Variants in NUP153 observed in about 807,000 individuals in gnomAD.
NUP153 encodes the protein nuclear pore complex protein Nup153.
NUP153 carries 27 observed loss-of-function variants against 134.6 expected under a neutral mutation model. That is an observed-to-expected ratio of 0.20 (90% CI 0.15 to 0.28). NUP153 has a LOEUF of 0.28. Among genes scored for constraint, NUP153 ranks in the 10% least tolerant of loss-of-function variants. The pLI is 1.00. For missense variants in NUP153, 1,821 were observed against 1,731.3 expected (o/e 1.05, Z -0.92); for synonymous variants, 640 against 623.5 (o/e 1.03, Z -0.40).
intron 5 of NUP153, among the ~76,000 whole-genome samples, chr6:17,673,961 G>A (rs1021984235): frequency 1.3e-5 from 2 of 152,130 alleles, no homozygotes; most frequent in African/African-American, 2.4e-5. Context: ...TTTCACTGGT[G>A]AATAATAAAC....
At chr6:17,642,848 A>C (rs1279330430) in intron 14 of NUP153, among the ~76,000 whole-genome samples, 1 of 152,254 alleles carries the variant, frequency 6.6e-6, no homozygotes, top group East Asian at 1.9e-4. Context: ...AATATTATTC[A>C]GCCATAAAAG....
At chr6:17,683,145 A>G (rs765811228) in intron 2 of NUP153, among the ~76,000 whole-genome samples, 6 of 151,954 alleles carry the variant, frequency 3.9e-5, no homozygotes, top group Non-Finnish European at 8.8e-5. Flanking sequence ...ACTTTCTCTA[A>G]ACTCCTATTC....
intron 16 of NUP153, 45 bp downstream of exon 16, chr6:17,637,108 A>C (rs1469198635): frequency 6.5e-7 from 1 of 1,540,450 alleles, no homozygotes; most frequent in East Asian, 2.3e-5. Flanking sequence ...TAAACTGTTC[A>C]ACAGAAGTAA....
chr6:17,660,947 A>G (rs985851806), intron 11 of NUP153, among the ~76,000 whole-genome samples: 1 of 152,280 alleles, frequency 6.6e-6, no homozygotes, highest in South Asian at 2.1e-4. Context: ...CTGGATAAAT[A>G]TATAAGCAGT....
chr6:17,696,089 T>C (rs1187226818), intron 1 of NUP153, among the ~76,000 whole-genome samples: 2 of 151,518 alleles, frequency 1.3e-5, no homozygotes, highest in South Asian at 2.1e-4. Context: ...GATCGTGCCA[T>C]TGCACTCCAG....
rs1255483006 is a variant in NUP153 at position 17,669,033 on chromosome 6, A to AG, written c.1015-6_1015-5insC. On this transcript the variant is annotated splice_polypyrimidine_tract_variant and splice_region_variant and intron_variant, in intron 7 of 21. Coordinates refer to ENST00000262077, the MANE Select transcript of NUP153 (RefSeq NM_005124.4). ...TATCCCACTCCTATCAAGAGGCTGA[A>AG]AAAAAAAAAAAACACTATTAGAATA... 4.7e-6 allele frequency: 6 copies of AG among 1,280,290 alleles called. No individual in the cohort carries two copies. The highest frequency in any genetic ancestry group is 6.1e-6 in the Non-Finnish European group (6 of 979,820). 79.3% of individuals were successfully genotyped at this position (1,280,290 alleles called of 1,614,324 possible).
At chr6:17,631,418 T>C (rs1477377178) in intron 17 of NUP153, among the ~76,000 whole-genome samples, 1 of 152,254 alleles carries the variant, frequency 6.6e-6, no homozygotes, top group Non-Finnish European at 1.5e-5. Context: ...ATATGTTGCC[T>C]GGCAGTGAAG....
chr6:17,631,884 A>G (rs375679255), intron 17 of NUP153, among the ~76,000 whole-genome samples: 6 of 152,100 alleles, frequency 3.9e-5, no homozygotes, highest in East Asian at 3.9e-4. Flanking sequence ...GGAGAATGGC[A>G]TGAACCCAGG....
At chr6:17,669,687 G>T (rs1767778363) in intron 5 of NUP153, 141 bp from the exon 6 acceptor site, 2 of 633,842 alleles carry the variant, frequency 3.2e-6, no homozygotes, top group Non-Finnish European at 5.6e-6. Flanking sequence ...TCTTTGGGTG[G>T]TATCATTAAA....
At chr6:17,690,213 G>A (rs1370478506) in intron 1 of NUP153, among the ~76,000 whole-genome samples, 1 of 150,224 alleles carries the variant, frequency 6.7e-6, no homozygotes. Context: ...TTAGCCAGGC[G>A]TGGTGGCGGG....
chr6:17,645,572 G>A (rs1766121721), intron 14 of NUP153, among the ~76,000 whole-genome samples: 1 of 151,668 alleles, frequency 6.6e-6, no homozygotes, highest in South Asian at 2.1e-4. Context: ...CAAACTGCTG[G>A]GTTTACAGGA....
At chr6:17,649,097 G>T (rs1766368765) in intron 12 of NUP153, 66 bp downstream of exon 12, 3 of 1,356,308 alleles carry the variant, frequency 2.2e-6, no homozygotes, top group African/African-American at 1.5e-5. Flanking sequence ...TATAATATAG[G>T]GTTTTTTTTA....
chr6:17,666,794 C>T (rs1158336153), intron 8 of NUP153, among the ~76,000 whole-genome samples: 1 of 152,226 alleles, frequency 6.6e-6, no homozygotes, highest in Admixed American at 6.5e-5. Flanking sequence ...CCAGAAGCTT[C>T]TAACTCTGTC....
intron 7 of NUP153, 39 bp from the exon 8 acceptor site, chr6:17,669,067 G>A (rs1181856646): frequency 5.4e-6 from 7 of 1,289,028 alleles, no homozygotes; most frequent in Admixed American, 2.5e-5. Context: ...TAGATGGGGA[G>A]TTATGAAAAA....
intron 1 of NUP153, among the ~76,000 whole-genome samples, chr6:17,693,702 G>A (rs184478035): frequency 3.9e-5 from 6 of 152,166 alleles, no homozygotes; most frequent in Non-Finnish European, 4.4e-5. Flanking sequence ...CCTGGCCAAC[G>A]TGGTGAAACC....
chr6:17,641,265 G>C (rs1413950373), intron 14 of NUP153, among the ~76,000 whole-genome samples: 2 of 152,148 alleles, frequency 1.3e-5, no homozygotes, highest in African/African-American at 4.8e-5. Flanking sequence ...GCCAGGCACG[G>C]GGGCCCGTGC....
intron 1 of NUP153, among the ~76,000 whole-genome samples, chr6:17,700,389 A>G (rs1363594968): frequency 6.6e-6 from 1 of 152,212 alleles, no homozygotes; most frequent in African/African-American, 2.4e-5. Flanking sequence ...CAGGCAGAAC[A>G]GGGATCCAAA....
At chr6:17,688,748 C>T (rs1581767586) in intron 1 of NUP153, 130 bp from the exon 2 acceptor site, 1 of 642,056 alleles carries the variant, frequency 1.6e-6, no homozygotes, top group Non-Finnish European at 2.7e-6. Flanking sequence ...TCAGTTACTA[C>T]AGTTACTGCT....
rs753704784 is a variant in NUP153 at position 17,616,511 on chromosome 6, T to TA, written c.4343+15dup. 6 of 1,589,068 alleles carry TA rather than the reference T, an allele frequency of 3.8e-6. No homozygotes were observed. The highest frequency in any genetic ancestry group is 1.4e-5 in the African/African-American group (1 of 73,584). On this transcript the variant is annotated intron_variant, in intron 21 of 21. Coordinates refer to ENST00000262077, the MANE Select transcript of NUP153 (RefSeq NM_005124.4). ...TACCAATGTAACTTCTCCATTTCAATAAAAAATTCTCTTACCCCACTGTAA... is the reference window on the plus strand; with the variant it reads ...TACCAATGTAACTTCTCCATTTCAATAAAAAAATTCTCTTACCCCACTGTAA...
Sources: allele counts gnomAD v4.1 joint callset (sites outside exome capture counted in the v4.1 genomes callset), GRCh38; gene constraint gnomAD v4.1.1; transcripts MANE v1.5; gene names NCBI Gene and HGNC (gene_info 2026-07-23, HGNC 2026-07-21).